The following HRCT1 variants were observed in gnomAD, a reference collection of about 807,000 sequenced individuals.
HRCT1 encodes the protein histidine-rich carboxyl terminus protein 1.
For missense variants in HRCT1, 185 were observed against 161.3 expected, an observed-to-expected ratio of 1.15 and a Z score of -0.80; for synonymous variants, 76 against 69.0, an observed-to-expected ratio of 1.10 and a Z score of -0.50.
chr9:35,906,436 G>A lies in HRCT1; in HGVS notation c.149G>A (p.Gly50Glu), dbSNP rs750808693. Residue 50 changes from glycine to glutamate, a missense_variant, in exon 1 of 1, where the codon GGA becomes GAA. Physicochemically the swap from Gly to Glu is moderately conservative, Grantham distance 98. Coordinates refer to ENST00000354323, the MANE Select transcript of HRCT1 (RefSeq NM_001039792.2). ...GAGAGGAACCGTACAGCTGCAGGGG[G>A]AAACCGAGTCCGCCGGGCCCAGCCT... The part of the protein sequence containing the change: ...DVERNRTAAG[G>E]NRVRRAQPWP... 9 of 1,613,094 alleles carry A rather than the reference G, an allele frequency of 5.6e-6. No individual in the cohort carries two copies. The highest frequency in any genetic ancestry group is 6.8e-6 in the Non-Finnish European group (8 of 1,180,002).
At chr9:35,906,602 C>CCCCCACCACCACCCCCACCACA in the HRCT1 span, 9 of 1,477,882 alleles carry the variant, frequency 6.1e-6, no homozygotes, top group Non-Finnish European at 8.1e-6. Context: ...ACCACCACCA[C>CCCCCACCACCACCCCCACCACA]CCCCACCGCC....
Position 35,906,586 on chromosome 9 carries a change from T to TCCACCACCACCACCACCACCTCCA in HRCT1, c.316_317insACCTCCACCACCACCACCACCACC (p.His105_Pro106insHisLeuHisHisHisHisHisHis). 8.4e-7 allele frequency: 1 copy of TCCACCACCACCACCACCACCTCCA among 1,188,802 alleles called. No individual in the cohort carries two copies. The highest frequency in any genetic ancestry group is 1.1e-6 in the Non-Finnish European group (1 of 887,366). The allele number at this position is 1,188,802 out of a possible 1,614,324, so 73.6% of individuals were successfully genotyped here. The stretch of plus-strand genomic sequence containing the variant: ...CACCCCCGCCACACCCCTCACCACC[T>TCCACCACCACCACCACCACCTCCA]CCACCACCACCACCACCCCCACCGC... On this transcript the variant is annotated inframe_insertion, in exon 1 of 1. Coordinates refer to ENST00000354323, the MANE Select transcript of HRCT1 (RefSeq NM_001039792.2).
rs79284865 is a variant in HRCT1, at chr9:35,906,522, G to A, written c.235G>A (p.Val79Ile). The A allele has an allele frequency of 0.22, 339,922 of 1,566,526 alleles. 37,559 individuals are homozygous for A. Among genetic ancestry groups the A allele is most frequent in the Non-Finnish European group, 0.23 (266,978 of 1,157,712 alleles). The change falls in exon 1 of 1, where the codon GTA becomes ATA. Residue 79 changes from valine (V) to isoleucine (I), a missense_variant. By Grantham distance (29) the Val-to-Ile change is conservative. Transcript: ENST00000354323. ...IFHHHRHPGHVSHVPNVGLHH... is the reference protein window; with the variant it reads ...IFHHHRHPGHISHVPNVGLHH... ...TCACCATCACCGTCATCCTGGCCAC[G>A]TATCTCATGTGCCGAATGTGGGCCT...
rs1330898936 is a variant in HRCT1, at chr9:35,906,234, A to C, written c.-54A>C. The stretch of plus-strand genomic sequence containing the variant: ...GAGAGGGCTGAGCGGAGGCTGCTGA[A>C]GGGGAGAAAGGAGTGAGGAGCTGCT... On this transcript the variant is annotated 5_prime_UTR_variant, in exon 1 of 1. Coordinates refer to ENST00000354323, the MANE Select transcript of HRCT1 (RefSeq NM_001039792.2). The C allele has an allele frequency of 1.3e-6, 2 of 1,545,804 alleles. No homozygotes were observed. Among genetic ancestry groups the C allele is most frequent in the Admixed American group, 3.7e-5 (2 of 53,508 alleles).
the HRCT1 span, chr9:35,906,401 CTG>C: frequency 1.2e-6 from 2 of 1,612,784 alleles, no homozygotes; most frequent in Non-Finnish European, 1.7e-6. Context: ...GACGGCAGGA[CTG>C]TGACGTGGAG....
At position 35,906,476 on chromosome 9, in the gene HRCT1, G is replaced by T; in HGVS notation, c.189G>T (p.Arg63=). The T allele has an allele frequency of 6.3e-7, 1 of 1,598,778 alleles. No individual in the cohort carries two copies. The part of the protein sequence containing the change: ...VRRAQPWPFR[R]RGHLGIFHHH... ...GGGCCCAGCCTTGGCCCTTCCGGCG[G>T]CGGGGCCACCTGGGAATCTTTCACC... Residue 63 remains arginine, a synonymous_variant, in exon 1 of 1, where the codon CGG becomes CGT. Transcript: ENST00000354323.
chr9:35,906,245 G>A lies in HRCT1; in HGVS notation c.-43G>A. The A allele has an allele frequency of 6.4e-7, 1 of 1,558,904 alleles. No individual in the cohort carries two copies. The highest frequency in any genetic ancestry group is 8.7e-7 in the Non-Finnish European group (1 of 1,151,042). ...GCGGAGGCTGCTGAAGGGGAGAAAGGAGTGAGGAGCTGCTGGGCAGAGAGG... is the reference window on the plus strand; with the variant it reads ...GCGGAGGCTGCTGAAGGGGAGAAAGAAGTGAGGAGCTGCTGGGCAGAGAGG... On this transcript the variant is annotated 5_prime_UTR_variant, in exon 1 of 1. Coordinates refer to ENST00000354323, the MANE Select transcript of HRCT1 (RefSeq NM_001039792.2).
rs1833110699 is a variant in HRCT1, at chr9:35,906,882, T to C, written c.*247T>C. 9.0e-6 allele frequency: 5 copies of C among 555,148 alleles called. No homozygotes were observed. The East Asian group carries it at 1.4e-4, about 16-fold the overall frequency. 34.4% of individuals were successfully genotyped at this position (555,148 alleles called of 1,614,324 possible). ...GGGAGTGGAGAGCAAGGGTGCTCTT[T>C]CGGGGCTGGACAGCCCGTCTTGTGA... On this transcript the variant is annotated 3_prime_UTR_variant, in exon 1 of 1. Coordinates refer to ENST00000354323, the MANE Select transcript of HRCT1 (RefSeq NM_001039792.2).
chr9:35,906,868 G>A lies in HRCT1; in HGVS notation c.*233G>A, dbSNP rs957025616. On this transcript the variant is annotated 3_prime_UTR_variant, in exon 1 of 1. Transcript: ENST00000354323. ...TGCTGAAGGGTTTGGGGAGTGGAGA[G>A]CAAGGGTGCTCTTTCGGGGCTGGAC... 9.9e-6 allele frequency: 6 copies of A among 606,800 alleles called. No individual in the cohort carries two copies. Among genetic ancestry groups the A allele is most frequent in the Non-Finnish European group, 1.4e-5 (5 of 349,196 alleles). 37.6% of individuals were successfully genotyped at this position (606,800 alleles called of 1,614,324 possible). A position where few individuals can be genotyped will look rare whatever the true frequency, so the allele number is the denominator to read the frequency against.
chr9:35,906,586 TCCACCACCACCACCACCC>T lies in HRCT1; in HGVS notation c.305_322del (p.His102_His107del). On this transcript the variant is annotated inframe_deletion, in exon 1 of 1. Transcript: ENST00000354323. Reference sequence around the variant, plus strand: ...CACCCCCGCCACACCCCTCACCACCTCCACCACCACCACCACCCCCACCGCCACCATCCCCGCCACGCT... The same window carrying T: ...CACCCCCGCCACACCCCTCACCACCTCCACCGCCACCATCCCCGCCACGCT... The T allele has an allele frequency of 1.7e-6, 2 of 1,188,802 alleles. No homozygotes were observed. The highest frequency in any genetic ancestry group is 2.3e-6 in the Non-Finnish European group (2 of 887,366). 73.6% of individuals were successfully genotyped at this position (1,188,802 alleles called of 1,614,324 possible). A position where few individuals can be genotyped will look rare whatever the true frequency, so the allele number is the denominator to read the frequency against.
At position 35,906,802 on chromosome 9, in the gene HRCT1, G is replaced by C; in HGVS notation, c.*167G>C. On this transcript the variant is annotated 3_prime_UTR_variant, in exon 1 of 1. Coordinates refer to ENST00000354323, the MANE Select transcript of HRCT1 (RefSeq NM_001039792.2). ...CTGCATTTGCATGGCATGCCCCAGT[G>C]TACTATGGCAGCAGAGAATGGAGGA... 1.0e-6 allele frequency: 1 copy of C among 953,880 alleles called. No homozygotes were observed. The highest frequency in any genetic ancestry group is 1.6e-6 in the Non-Finnish European group (1 of 645,006). 59.1% of individuals were successfully genotyped at this position (953,880 alleles called of 1,614,324 possible). A position where few individuals can be genotyped will look rare whatever the true frequency, so the allele number is the denominator to read the frequency against.
chr9:35,906,426 G>A lies in HRCT1; in HGVS notation c.139G>A (p.Ala47Thr), dbSNP rs201710130. Reference protein sequence around the residue: ...QDCDVERNRTAAGGNRVRRAQ... With the variant: ...QDCDVERNRTTAGGNRVRRAQ... ...CTGTGACGTGGAGAGGAACCGTACA[G>A]CTGCAGGGGGAAACCGAGTCCGCCG... The change falls in exon 1 of 1, where the codon GCT (alanine) becomes ACT (threonine). Residue 47 changes from alanine to threonine, a missense_variant. Physicochemically the swap from Ala to Thr is moderately conservative, Grantham distance 58. Transcript: ENST00000354323. 6.2e-7 allele frequency: 1 copy of A among 1,613,014 alleles called. No homozygotes were observed. Among genetic ancestry groups the A allele is most frequent in the Non-Finnish European group, 8.5e-7 (1 of 1,179,988 alleles).
rs531185997 is a variant in HRCT1 at position 35,906,782 on chromosome 9, T to C, written c.*147T>C. 1 of 1,122,988 alleles carries C rather than the reference T, an allele frequency of 8.9e-7. No homozygotes were observed. The highest frequency in any genetic ancestry group is 1.6e-5 in the African/African-American group (1 of 63,708). 69.6% of individuals were successfully genotyped at this position (1,122,988 alleles called of 1,614,324 possible). On this transcript the variant is annotated 3_prime_UTR_variant, in exon 1 of 1. Coordinates refer to ENST00000354323, the MANE Select transcript of HRCT1 (RefSeq NM_001039792.2). ...TAGACTGGGGCTTGCTCCAGCTGCA[T>C]TTGCATGGCATGCCCCAGTGTACTA... is the stretch of plus-strand genomic sequence containing the variant.
rs1833102343 is a variant in HRCT1, at chr9:35,906,601, A to ACAC, written c.315_316insACC (p.His105_Pro106insThr). On this transcript the variant is annotated inframe_insertion, in exon 1 of 1. Transcript: ENST00000354323. ...CCTCACCACCTCCACCACCACCACC[A>ACAC]CCCCCACCGCCACCATCCCCGCCAC... 9.3e-7 allele frequency: 1 copy of ACAC among 1,074,414 alleles called. No homozygotes were observed. Among genetic ancestry groups the ACAC allele is most frequent in the African/African-American group, 2.9e-5 (1 of 34,604 alleles). The allele number at this position is 1,074,414 out of a possible 1,614,324, so 66.6% of individuals were successfully genotyped here. A position where few individuals can be genotyped will look rare whatever the true frequency, so the allele number is the denominator to read the frequency against.
At position 35,906,719 on chromosome 9, in the gene HRCT1, G is replaced by A; in HGVS notation, c.*84G>A. The stretch of plus-strand genomic sequence containing the variant: ...GGACAAGTGGACCCCATGTTTCCAT[G>A]TGGAAGGATGCATCTCTGGGGTGAA... On this transcript the variant is annotated 3_prime_UTR_variant, in exon 1 of 1. Coordinates refer to ENST00000354323, the MANE Select transcript of HRCT1 (RefSeq NM_001039792.2). The A allele has an allele frequency of 6.7e-7, 1 of 1,503,354 alleles. No homozygotes were observed. 93.1% of individuals were successfully genotyped at this position (1,503,354 alleles called of 1,614,324 possible).
chr9:35,906,592 A>ACCACGACCACCC lies in HRCT1; in HGVS notation c.309_310insGACCACCCCCAC (p.His103_His104insAspHisProHis), dbSNP rs1833099177. 7.8e-7 allele frequency: 1 copy of ACCACGACCACCC among 1,276,146 alleles called. No homozygotes were observed. Among genetic ancestry groups the ACCACGACCACCC allele is most frequent in the South Asian group, 1.3e-5 (1 of 75,722 alleles). 79.1% of individuals were successfully genotyped at this position (1,276,146 alleles called of 1,614,324 possible). ...CGCCACACCCCTCACCACCTCCACC[A>ACCACGACCACCC]CCACCACCACCCCCACCGCCACCAT... On this transcript the variant is annotated inframe_insertion, in exon 1 of 1. Transcript: ENST00000354323.
chr9:35,906,598 A>ACCACCACCGCCACCACCC lies in HRCT1; in HGVS notation c.316_317insACCGCCACCACCCCCACC (p.His105_Pro106insHisArgHisHisProHis), dbSNP rs1554690916. On this transcript the variant is annotated inframe_insertion, in exon 1 of 1. Coordinates refer to ENST00000354323, the MANE Select transcript of HRCT1 (RefSeq NM_001039792.2). ...ACCCCTCACCACCTCCACCACCACC[A>ACCACCACCGCCACCACCC]CCACCCCCACCGCCACCATCCCCGC... 21 of 1,195,466 alleles carry ACCACCACCGCCACCACCC rather than the reference A, an allele frequency of 1.8e-5. No homozygotes were observed. The highest frequency in any genetic ancestry group is 2.2e-5 in the African/African-American group (1 of 44,988). 74.1% of individuals were successfully genotyped at this position (1,195,466 alleles called of 1,614,324 possible).
chr9:35,906,261 G>C lies in HRCT1; in HGVS notation c.-27G>C, dbSNP rs1418550408. The C allele has an allele frequency of 2.5e-6, 4 of 1,573,370 alleles. No homozygotes were observed. The highest frequency in any genetic ancestry group is 1.3e-5 in the African/African-American group (1 of 74,522). On this transcript the variant is annotated 5_prime_UTR_variant, in exon 1 of 1. Coordinates refer to ENST00000354323, the MANE Select transcript of HRCT1 (RefSeq NM_001039792.2). The stretch of plus-strand genomic sequence containing the variant: ...GGGAGAAAGGAGTGAGGAGCTGCTG[G>C]GCAGAGAGGGACTGTCCGGCTCCCA...
chr9:35,906,255 C>A lies in HRCT1; in HGVS notation c.-33C>A, dbSNP rs1411320250. Reference sequence around the variant, plus strand: ...CTGAAGGGGAGAAAGGAGTGAGGAGCTGCTGGGCAGAGAGGGACTGTCCGG... The same window carrying A: ...CTGAAGGGGAGAAAGGAGTGAGGAGATGCTGGGCAGAGAGGGACTGTCCGG... On this transcript the variant is annotated 5_prime_UTR_variant, in exon 1 of 1. In the 5' UTR this introduces an upstream ATG that the reference lacks. Transcript: ENST00000354323. The A allele has an allele frequency of 6.4e-7, 1 of 1,565,836 alleles. No homozygotes were observed. Among genetic ancestry groups the A allele is most frequent in the Non-Finnish European group, 8.7e-7 (1 of 1,154,216 alleles).
Sources: gnomAD v4.1 joint callset for allele counts on GRCh38, gnomAD v4.1.1 for gene constraint, MANE v1.5 for transcripts, NCBI Gene and HGNC (gene_info 2026-07-23, HGNC 2026-07-21) for gene names.